Variants in SPOCK1 observed in about 807,000 individuals in gnomAD.
SPOCK1 encodes SPARC (osteonectin), cwcv and kazal like domains proteoglycan 1.
In SPOCK1, 23 loss-of-function variants were observed where a neutral mutation model predicts 55.3. The ratio of observed to expected loss-of-function variants is 0.42; its 90% CI spans 0.30 to 0.59. SPOCK1 has a LOEUF of 0.59. Ranked by LOEUF, SPOCK1 falls within the 20% of genes least tolerant of loss-of-function variation. The pLI, the probability that SPOCK1 is intolerant of heterozygous loss-of-function variation, is 0.22. For synonymous variants in SPOCK1, 226 were observed against 221.0 expected (o/e 1.02, Z -0.20); for missense variants, 499 against 552.5 (o/e 0.90, Z 0.97).
chr5:137,043,320 A>G (rs893696835), intron 6 of SPOCK1, among the ~76,000 whole-genome samples: 4 of 152,234 alleles, frequency 2.6e-5, no homozygotes, highest in Admixed American at 1.3e-4. Flanking sequence ...TAAGAAACAA[A>G]TAAATGGGGT....
chr5:137,399,993 T>A (rs893775685), intron 2 of SPOCK1, among the ~76,000 whole-genome samples: 1 of 152,204 alleles, frequency 6.6e-6, no homozygotes, highest in African/African-American at 2.4e-5. Context: ...CAACATTTCC[T>A]GAAAATAAAC....
At chr5:137,432,660 C>G (rs1752774564) in intron 2 of SPOCK1, among the ~76,000 whole-genome samples, 1 of 152,096 alleles carries the variant, frequency 6.6e-6, no homozygotes, top group Non-Finnish European at 1.5e-5. Context: ...AATTCTGGAG[C>G]TAGACAGTGG....
intron 3 of SPOCK1, among the ~76,000 whole-genome samples, chr5:137,235,638 G>A (rs971356139): frequency 2.6e-5 from 4 of 152,256 alleles, no homozygotes; most frequent in Admixed American, 2.0e-4. Context: ...GTGTCTGTGT[G>A]AAAACACTGC....
intron 3 of SPOCK1, among the ~76,000 whole-genome samples, chr5:137,190,403 A>G (rs1580798959): frequency 6.6e-6 from 1 of 152,334 alleles, no homozygotes; most frequent in East Asian, 1.9e-4. Context: ...ACCCTCCACT[A>G]GCAAAAAGAC....
chr5:137,210,634 T>C (rs1278294939), intron 3 of SPOCK1, among the ~76,000 whole-genome samples: 4 of 152,078 alleles, frequency 2.6e-5, no homozygotes, highest in African/African-American at 9.7e-5. Flanking sequence ...GAGGTGAAGG[T>C]GAGCCTTTTC....
chr5:137,089,769 T>C (rs1373180845), intron 5 of SPOCK1, among the ~76,000 whole-genome samples: 3 of 152,232 alleles, frequency 2.0e-5, no homozygotes, highest in African/African-American at 7.2e-5. Context: ...AGTAACAAAA[T>C]TGGAAATGTA....
chr5:137,478,298 G>A (rs754514046), intron 2 of SPOCK1, among the ~76,000 whole-genome samples: 13 of 152,104 alleles, frequency 8.5e-5, no homozygotes, highest in Non-Finnish European at 1.8e-4. Context: ...TTAGTGAGCT[G>A]GAGTCACCCA....
At chr5:137,318,396 G>A (rs1343534304) in intron 2 of SPOCK1, among the ~76,000 whole-genome samples, 1 of 152,152 alleles carries the variant, frequency 6.6e-6, no homozygotes, top group Non-Finnish European at 1.5e-5. Flanking sequence ...TGGCTCTATT[G>A]TCTAGAATGT....
intron 2 of SPOCK1, among the ~76,000 whole-genome samples, chr5:137,468,758 G>A (rs1038026576): frequency 2.6e-5 from 4 of 152,142 alleles, no homozygotes; most frequent in African/African-American, 9.7e-5. Flanking sequence ...CTTCCAGGAT[G>A]GAATTCCCAA....
chr5:137,062,161 C>T (rs73790680), intron 6 of SPOCK1, among the ~76,000 whole-genome samples: 1,580 of 152,204 alleles, frequency 0.01, 32 homozygotes, highest in African/African-American at 0.036. Flanking sequence ...ATCTGAGGCC[C>T]CACCCATTTG....
At chr5:137,026,851 G>C (rs777775313) in intron 6 of SPOCK1, among the ~76,000 whole-genome samples, 1 of 152,142 alleles carries the variant, frequency 6.6e-6, no homozygotes, top group African/African-American at 2.4e-5. Flanking sequence ...TTGTTCTAGG[G>C]TGAGTAATTT....
intron 2 of SPOCK1, among the ~76,000 whole-genome samples, chr5:137,346,934 A>G (rs559466504): frequency 6.6e-6 from 1 of 152,136 alleles, no homozygotes; most frequent in Admixed American, 6.5e-5. Context: ...AGTTACTCAG[A>G]CCTCCTGCAG....
At chr5:137,306,975 T>C (rs1757710844) in intron 2 of SPOCK1, among the ~76,000 whole-genome samples, 3 of 152,204 alleles carry the variant, frequency 2.0e-5, no homozygotes, top group African/African-American at 7.2e-5. Context: ...CAGAATGCAC[T>C]AAGCACACAC....
intron 2 of SPOCK1, among the ~76,000 whole-genome samples, chr5:137,307,830 T>C (rs115824023): frequency 0.015 from 2,286 of 152,310 alleles, 47 homozygotes; most frequent in African/African-American, 0.052. Context: ...ATCTGAAGAC[T>C]AGAACGCTGT....
At chr5:137,256,279 C>T (rs1756629643) in intron 3 of SPOCK1, among the ~76,000 whole-genome samples, 1 of 152,194 alleles carries the variant, frequency 6.6e-6, no homozygotes, top group Non-Finnish European at 1.5e-5. Flanking sequence ...GCAATTCAGG[C>T]TCTTAGGCTT....
At chr5:136,988,209 G>A (rs1278310474) in intron 8 of SPOCK1, among the ~76,000 whole-genome samples, 1 of 152,176 alleles carries the variant, frequency 6.6e-6, no homozygotes. Flanking sequence ...AGAAGTAACT[G>A]ACTACTTGAT....
At chr5:137,018,855 A>G (rs1751504454) in intron 6 of SPOCK1, among the ~76,000 whole-genome samples, 2 of 152,252 alleles carry the variant, frequency 1.3e-5, no homozygotes, top group African/African-American at 4.8e-5. Context: ...CAGTTTGGAA[A>G]AAGGCAGAGT....
intron 2 of SPOCK1, among the ~76,000 whole-genome samples, chr5:137,438,004 A>G (rs1022005002): frequency 1.3e-5 from 2 of 152,252 alleles, no homozygotes; most frequent in African/African-American, 4.8e-5. Context: ...AAGTAGAATC[A>G]TAACAGTATT....
At chr5:137,335,675 T>TCC (rs1267814676) in intron 2 of SPOCK1, among the ~76,000 whole-genome samples, 1 of 152,074 alleles carries the variant, frequency 6.6e-6, no homozygotes, top group African/African-American at 2.4e-5. Flanking sequence ...TAAGCACACC[T>TCC]CCCTCCCCTC....
Sources: gnomAD v4.1 joint callset for allele counts (sites outside exome capture counted in the v4.1 genomes callset) on GRCh38, gnomAD v4.1.1 for gene constraint, MANE v1.5 for transcripts, NCBI Gene and HGNC (gene_info 2026-07-23, HGNC 2026-07-21) for gene names.